The following RELN variants were observed in gnomAD, a reference collection of about 807,000 sequenced individuals.
The protein encoded by RELN is reelin.
In RELN, 108 loss-of-function variants were observed where a neutral mutation model predicts 427.6. The observed-to-expected ratio is 0.25, with a 90% CI of 0.22 to 0.30. RELN has a LOEUF of 0.30. Ranked by LOEUF, RELN falls within the 10% of genes least tolerant of loss-of-function variation. The pLI, the probability that RELN is intolerant of heterozygous loss-of-function variation, is 1.00. For synonymous variants in RELN, 1,524 were observed against 1,513.4 expected, an observed-to-expected ratio of 1.01 and a Z score of -0.16; for missense variants, 3,715 against 4,302.8, an observed-to-expected ratio of 0.86 and a Z score of 3.82.
At chr7:103,660,950 T>C (rs1341166920) in intron 12 of RELN, among the ~76,000 whole-genome samples, 5 of 152,218 alleles carry the variant, frequency 3.3e-5, no homozygotes, top group African/African-American at 1.2e-4. Flanking sequence ...TATTAAAGTA[T>C]TAACCTAAAT....
intron 10 of RELN, among the ~76,000 whole-genome samples, chr7:103,690,728 T>G (rs1021749648): frequency 6.6e-6 from 1 of 152,078 alleles, no homozygotes; most frequent in Admixed American, 6.6e-5. Context: ...CGAATGAGGG[T>G]GGGGCTCTGG....
intron 3 of RELN, among the ~76,000 whole-genome samples, chr7:103,781,407 T>G (rs866446781): frequency 6.6e-6 from 1 of 152,274 alleles, no homozygotes; most frequent in African/African-American, 2.4e-5. Context: ...CAATTAAGTC[T>G]CTAGAGGTTG....
At chr7:103,703,301 C>G (rs555237475) in intron 8 of RELN, among the ~76,000 whole-genome samples, 1 of 152,296 alleles carries the variant, frequency 6.6e-6, no homozygotes, top group East Asian at 1.9e-4. Flanking sequence ...GTATGTATAA[C>G]TAGGTAAGCT....
chr7:103,652,501 T>G, intron 14 of RELN, 50 bp downstream of exon 14: 8 of 1,472,732 alleles, frequency 5.4e-6, no homozygotes, highest in Non-Finnish European at 6.6e-6. Context: ...AATAGCCAAA[T>G]CTGCAAACTC....
At chr7:103,985,288 T>G (rs1483618296) in intron 1 of RELN, among the ~76,000 whole-genome samples, 1 of 152,140 alleles carries the variant, frequency 6.6e-6, no homozygotes, top group Non-Finnish European at 1.5e-5. Flanking sequence ...AGGCCAAATT[T>G]TTTTCTCTCA....
intron 2 of RELN, among the ~76,000 whole-genome samples, chr7:103,881,609 T>A (rs1055375638): frequency 6.6e-6 from 1 of 152,114 alleles, no homozygotes; most frequent in Non-Finnish European, 1.5e-5. Flanking sequence ...TTCTTTTTCC[T>A]CCCTTCACTT....
intron 1 of RELN, among the ~76,000 whole-genome samples, chr7:103,917,917 T>A (rs1795522797): frequency 6.6e-6 from 1 of 152,112 alleles, no homozygotes; most frequent in Admixed American, 6.6e-5. Context: ...TGACCATAAT[T>A]TCCTGCTTGA....
chr7:103,486,115 C>T (rs1412198288), intron 61 of RELN, 82 bp downstream of exon 61: 3 of 1,352,058 alleles, frequency 2.2e-6, no homozygotes, highest in South Asian at 2.4e-5. Flanking sequence ...ATGAAGTTCA[C>T]AATCCTATCT....
chr7:103,741,339 G>A (rs191654216), intron 6 of RELN, among the ~76,000 whole-genome samples: 24 of 152,026 alleles, frequency 1.6e-4, no homozygotes, highest in Non-Finnish European at 2.9e-5. Context: ...TGATGTTGCT[G>A]TAATGCTATT....
intron 63 of RELN, among the ~76,000 whole-genome samples, chr7:103,481,248 ATTGT>A (rs969934634): frequency 9.9e-5 from 15 of 152,118 alleles, no homozygotes; most frequent in African/African-American, 2.9e-4. Context: ...AGTGCAATTG[ATTGT>A]TTGGGCAGGA....
chr7:103,798,696 C>T (rs886282389), intron 3 of RELN, among the ~76,000 whole-genome samples: 3 of 152,172 alleles, frequency 2.0e-5, no homozygotes, highest in Non-Finnish European at 4.4e-5. Context: ...TTGCTTTGCC[C>T]GCTTCCATGC....
At chr7:103,547,766 C>T (rs1300880836) in intron 41 of RELN, among the ~76,000 whole-genome samples, 1 of 152,198 alleles carries the variant, frequency 6.6e-6, no homozygotes, top group East Asian at 1.9e-4. Context: ...CAAAAGCCTA[C>T]AAGGATTTTT....
chr7:103,698,282 G>A (rs1468891087), intron 9 of RELN, among the ~76,000 whole-genome samples, 189 bp from the exon 10 acceptor site: 1 of 152,114 alleles, frequency 6.6e-6, no homozygotes, highest in African/African-American at 2.4e-5. Context: ...CATATTGAAT[G>A]ATGACAGTTC....
intron 4 of RELN, among the ~76,000 whole-genome samples, chr7:103,762,019 G>C (rs1215741949): frequency 6.6e-6 from 1 of 152,182 alleles, no homozygotes; most frequent in Non-Finnish European, 1.5e-5. Context: ...GAAATTGCTA[G>C]AGATTTTCCA....
At chr7:103,870,316 A>C (rs1461239660) in intron 2 of RELN, among the ~76,000 whole-genome samples, 3 of 152,000 alleles carry the variant, frequency 2.0e-5, no homozygotes, top group Non-Finnish European at 4.4e-5. Flanking sequence ...ACATATTATT[A>C]ATGATACAAT....
intron 2 of RELN, among the ~76,000 whole-genome samples, chr7:103,842,434 T>C (rs1793574523): frequency 6.6e-6 from 1 of 152,228 alleles, no homozygotes; most frequent in Admixed American, 6.5e-5. Flanking sequence ...TTTTCTTTCT[T>C]TCCTAGGTCA....
chr7:103,763,509 T>G (rs1007576132), intron 4 of RELN, among the ~76,000 whole-genome samples: 1 of 151,944 alleles, frequency 6.6e-6, no homozygotes, highest in Non-Finnish European at 1.5e-5. Flanking sequence ...AAATATAAGG[T>G]GGGAGAGTGA....
chr7:103,932,003 A>G (rs1288045890), intron 1 of RELN, among the ~76,000 whole-genome samples: 4 of 152,224 alleles, frequency 2.6e-5, no homozygotes, highest in Admixed American at 2.6e-4. Context: ...CTAAAAACAG[A>G]ACTACCATTC....
intron 1 of RELN, among the ~76,000 whole-genome samples, chr7:103,977,972 C>T (rs981319679): frequency 1.2e-4 from 18 of 152,142 alleles, no homozygotes; most frequent in Admixed American, 1.0e-3. Context: ...ACTCTAATAA[C>T]CATCCTTAAA....
Sources: gnomAD v4.1 joint callset for allele counts (sites outside exome capture counted in the v4.1 genomes callset) on GRCh38, gnomAD v4.1.1 for gene constraint, MANE v1.5 for transcripts, NCBI Gene and HGNC (gene_info 2026-07-23, HGNC 2026-07-21) for gene names.